The following PLCB1 variants were observed in gnomAD, a reference collection of about 807,000 sequenced individuals.
The protein encoded by PLCB1 is phospholipase C beta 1.
A neutral mutation model predicts 161.8 loss-of-function variants in PLCB1; 46 were observed. That is an observed-to-expected ratio of 0.28 (90% CI 0.22 to 0.36). PLCB1 has a LOEUF of 0.36. Among genes scored for constraint, PLCB1 ranks in the 10% least tolerant of loss-of-function variants. The probability of loss-of-function intolerance (pLI) is 1.00; values close to 1 mark genes in which losing one functional copy is unlikely to be tolerated. For missense variants in PLCB1, 1,016 were observed against 1,472.5 expected (o/e 0.69, Z 5.07); for synonymous variants, 517 against 503.7 (o/e 1.03, Z -0.35).
chr20:8,869,649 A>G (rs375594776), intron 31 of PLCB1, among the ~76,000 whole-genome samples: 6 of 152,352 alleles, frequency 3.9e-5, no homozygotes, highest in African/African-American at 9.6e-5. Context: ...ATAATACCAA[A>G]TAACAGACAC....
intron 31 of PLCB1, among the ~76,000 whole-genome samples, chr20:8,847,177 C>T (rs545084611): frequency 6.6e-6 from 1 of 151,964 alleles, no homozygotes; most frequent in Admixed American, 6.6e-5. Flanking sequence ...GATTCTCACA[C>T]ACCATCCTCA....
chr20:8,379,953 A>G (rs1372203212), intron 3 of PLCB1, among the ~76,000 whole-genome samples: 1 of 152,016 alleles, frequency 6.6e-6, no homozygotes, highest in Non-Finnish European at 1.5e-5. Flanking sequence ...GCTGTACAGA[A>G]GCTCTTTAGT....
chr20:8,316,265 G>C (rs550289757), intron 2 of PLCB1, among the ~76,000 whole-genome samples: 26 of 152,120 alleles, frequency 1.7e-4, no homozygotes, highest in Non-Finnish European at 3.4e-4. Flanking sequence ...AAGAAATTGT[G>C]TTTATATGCT....
At chr20:8,216,587 T>C (rs2123154828) in intron 2 of PLCB1, among the ~76,000 whole-genome samples, 1 of 152,164 alleles carries the variant, frequency 6.6e-6, no homozygotes. Context: ...TGAGTAGAAA[T>C]AGAAACCTGA....
intron 2 of PLCB1, among the ~76,000 whole-genome samples, chr20:8,271,333 G>T (rs570550970): frequency 6.6e-6 from 1 of 152,182 alleles, no homozygotes; most frequent in South Asian, 2.1e-4. Flanking sequence ...GATTGAAATT[G>T]TTGGCCATCT....
At chr20:8,881,473 T>TA (rs1336661035) in intron 31 of PLCB1, 149 bp from the exon 32 acceptor site, 1 of 664,944 alleles carries the variant, frequency 1.5e-6, no homozygotes, top group African/African-American at 1.8e-5. Flanking sequence ...TAAACTTTGT[T>TA]ACATCTCCTC....
chr20:8,649,327 T>A (rs762158776), intron 6 of PLCB1, 47 bp from the exon 7 acceptor site: 1 of 1,213,650 alleles, frequency 8.2e-7, no homozygotes, highest in South Asian at 1.2e-5. Context: ...AGTGCTGTGA[T>A]CCATGTGCCA....
intron 3 of PLCB1, among the ~76,000 whole-genome samples, chr20:8,471,609 A>T (rs578086626): frequency 2.9e-4 from 44 of 152,272 alleles, no homozygotes; most frequent in South Asian, 2.1e-3. Context: ...AAGACTTGAG[A>T]CAGTTTGTGA....
At chr20:8,709,857 G>A (rs1978897153) in intron 12 of PLCB1, among the ~76,000 whole-genome samples, 2 of 152,088 alleles carry the variant, frequency 1.3e-5, no homozygotes, top group Non-Finnish European at 2.9e-5. Context: ...CGCTTCTGAG[G>A]GTCAAAGGAA....
At chr20:8,790,402 T>G (rs1397951515) in intron 31 of PLCB1, 141 bp downstream of exon 31, 1 of 599,554 alleles carries the variant, frequency 1.7e-6, no homozygotes, top group Non-Finnish European at 2.9e-6. Flanking sequence ...TCTTTCTCAA[T>G]GAAGGAAAAA....
chr20:8,650,144 C>A (rs1016028460), intron 7 of PLCB1, among the ~76,000 whole-genome samples: 1 of 151,450 alleles, frequency 6.6e-6, no homozygotes, highest in African/African-American at 2.4e-5. Flanking sequence ...TGGTTTCAAA[C>A]TTATTAACAA....
intron 1 of PLCB1, among the ~76,000 whole-genome samples, chr20:8,139,015 C>G (rs1377631647): frequency 1.4e-5 from 2 of 147,256 alleles, no homozygotes; most frequent in Non-Finnish European, 3.0e-5. Context: ...TTTATTTATA[C>G]TAAAATTATT....
intron 3 of PLCB1, among the ~76,000 whole-genome samples, chr20:8,455,432 C>CTTTTTTTTTT (rs1175763739): frequency 1.3e-5 from 1 of 74,166 alleles, no homozygotes; most frequent in African/African-American, 6.4e-5. Flanking sequence ...TATTCTTCCT[C>CTTTTTTTTTT]TTTTTTTTTT....
chr20:8,449,883 G>T (rs1168603435), intron 3 of PLCB1, among the ~76,000 whole-genome samples: 1 of 152,164 alleles, frequency 6.6e-6, no homozygotes, highest in Non-Finnish European at 1.5e-5. Flanking sequence ...GTAGTTACAG[G>T]CATAATCTTA....
chr20:8,420,244 G>A (rs1189433688), intron 3 of PLCB1, among the ~76,000 whole-genome samples: 1 of 152,148 alleles, frequency 6.6e-6, no homozygotes, highest in Non-Finnish European at 1.5e-5. Flanking sequence ...ATGCTAGGAA[G>A]TCAGCTAGCC....
chr20:8,146,096 GTTTTTTTTGTTTT>G (rs2051450664), intron 1 of PLCB1, among the ~76,000 whole-genome samples: 1 of 101,306 alleles, frequency 9.9e-6, no homozygotes, highest in Non-Finnish European at 1.9e-5. Context: ...TACTGTTTTT[GTTTTTTTTGTTTT>G]TTTTTTTTTT....
At chr20:8,516,188 CT>C (rs1226824784) in intron 3 of PLCB1, among the ~76,000 whole-genome samples, 1 of 152,206 alleles carries the variant, frequency 6.6e-6, no homozygotes, top group African/African-American at 2.4e-5. Flanking sequence ...AAGACTTGGT[CT>C]GGGACACAGC....
chr20:8,866,458 C>T (rs1348516541), intron 31 of PLCB1, among the ~76,000 whole-genome samples: 2 of 152,212 alleles, frequency 1.3e-5, no homozygotes, highest in African/African-American at 2.4e-5. Context: ...AGATGGAATA[C>T]ATTACCCAAA....
intron 2 of PLCB1, among the ~76,000 whole-genome samples, chr20:8,230,638 A>G (rs6055679): frequency 0.32 from 48,798 of 151,890 alleles, 11,413 homozygotes; most frequent in African/African-American, 0.67. Flanking sequence ...ATTAAACTTA[A>G]TTTACATTAA....
Sources: gnomAD v4.1 joint callset for allele counts (sites outside exome capture counted in the v4.1 genomes callset) on GRCh38, gnomAD v4.1.1 for gene constraint, MANE v1.5 for transcripts, NCBI Gene and HGNC (gene_info 2026-07-23, HGNC 2026-07-21) for gene names.